Variants in ARHGAP28 observed in about 807,000 individuals in gnomAD.
ARHGAP28 encodes rho GTPase-activating protein 28.
ARHGAP28 carries 56 observed loss-of-function variants against 90.7 expected under a neutral mutation model. That is an observed-to-expected ratio of 0.62 (90% CI 0.50 to 0.77). The LOEUF is 0.77. Among genes scored for constraint, ARHGAP28 ranks in the 30% least tolerant of loss-of-function variants. The probability of loss-of-function intolerance (pLI) is 0.00; values close to 1 mark genes in which losing one functional copy is unlikely to be tolerated. For missense variants in ARHGAP28, 869 were observed against 900.9 expected (o/e 0.96, Z 0.45); for synonymous variants, 308 against 323.3 (o/e 0.95, Z 0.51).
chr18:6,819,064 G>A (rs895875359), intron 1 of ARHGAP28, among the ~76,000 whole-genome samples: 7 of 152,128 alleles, frequency 4.6e-5, no homozygotes, highest in South Asian at 2.1e-4. Flanking sequence ...ACAGTAACTC[G>A]TTATGTATAA....
chr18:6,882,981 A>C (rs1362683110), intron 11 of ARHGAP28, among the ~76,000 whole-genome samples: 2 of 152,128 alleles, frequency 1.3e-5, no homozygotes, highest in African/African-American at 4.8e-5. Flanking sequence ...AGTTTGGAAA[A>C]GTAGAATGGG....
In ARHGAP28 at chr18:6,896,550, A is replaced by G. The variant is rs1352995660; in HGVS notation, c.1954A>G (p.Lys652Glu). The change falls in exon 16 of 18, where the codon AAG (lysine) becomes GAG (glutamate). Residue 652 changes from lysine (K) to glutamate (E), a missense_variant. Physicochemically the swap from Lys to Glu is moderately conservative, Grantham distance 56. Transcript: ENST00000383472. ...ACGGGTCCATGCTCCACTTCTCTCC[A>G]AGGTGTCCATGGCCATTCAACTCAA... ...VIRVHAPLLS[K>E]VSMAIQLNNQ... 1 of 1,614,158 alleles carries G rather than the reference A, an allele frequency of 6.2e-7. No individual in the cohort carries two copies. The highest frequency in any genetic ancestry group is 2.2e-5 in the East Asian group (1 of 44,874).
chr18:6,764,182 G>T (rs190933983), intron 1 of ARHGAP28, among the ~76,000 whole-genome samples: 1 of 152,214 alleles, frequency 6.6e-6, no homozygotes, highest in Non-Finnish European at 1.5e-5. Context: ...TTAGAAAAAA[G>T]AACATGAATT....
intron 16 of ARHGAP28, among the ~76,000 whole-genome samples, chr18:6,901,949 A>G (rs995905354): frequency 1.3e-5 from 2 of 152,170 alleles, no homozygotes; most frequent in Non-Finnish European, 2.9e-5. Flanking sequence ...CAATCTTGGC[A>G]TTCCATGGCT....
rs981647079 is a variant in ARHGAP28 at position 6,894,165 on chromosome 18, C to A, written c.1849-670C>A. Reference sequence around the variant, plus strand: ...TACAGGCATGAGCCACCATGCCCAGCCACTATATTGTGTTTTTATTTTTTA... The same window carrying A: ...TACAGGCATGAGCCACCATGCCCAGACACTATATTGTGTTTTTATTTTTTA... On this transcript the variant is annotated intron_variant, in intron 14 of 17. Transcript: ENST00000383472. 3.9e-5 allele frequency among the ~76,000 whole-genome samples: 6 copies of A among 152,218 alleles called. No individual in the cohort carries two copies. The South Asian group carries it at 8.3e-4, about 21-fold the overall frequency.
chr18:6,851,237 A>G, intron 4 of ARHGAP28, 111 bp downstream of exon 4: 1 of 884,114 alleles, frequency 1.1e-6, no homozygotes, highest in Non-Finnish European at 1.8e-6. Context: ...CTGGACAACC[A>G]CAGATTTCAA....
At chr18:6,767,058 G>A (rs7233825) in intron 1 of ARHGAP28, among the ~76,000 whole-genome samples, 18,762 of 151,884 alleles carry the variant, frequency 0.12, 1,311 homozygotes, top group Non-Finnish European at 0.15. Context: ...TCCGGCCCTC[G>A]TTTATATTAC....
intron 3 of ARHGAP28, among the ~76,000 whole-genome samples, chr18:6,841,303 T>G (rs2056825729): frequency 1.3e-5 from 2 of 149,484 alleles, no homozygotes; most frequent in African/African-American, 5.0e-5. Flanking sequence ...ATTCTTTCTT[T>G]GGCATCATTT....
At chr18:6,794,409 C>A (rs1367986757) in intron 1 of ARHGAP28, among the ~76,000 whole-genome samples, 1 of 152,182 alleles carries the variant, frequency 6.6e-6, no homozygotes, top group African/African-American at 2.4e-5. Context: ...GGAGACAGTC[C>A]TGTGAATTGC....
At chr18:6,747,243 T>C (rs1410667020) in intron 1 of ARHGAP28, among the ~76,000 whole-genome samples, 1 of 152,074 alleles carries the variant, frequency 6.6e-6, no homozygotes, top group Non-Finnish European at 1.5e-5. Flanking sequence ...GGAAACAGGG[T>C]TTGCTTCATG....
chr18:6,768,125 T>G (rs1421575682), intron 1 of ARHGAP28, among the ~76,000 whole-genome samples: 2 of 152,342 alleles, frequency 1.3e-5, no homozygotes, highest in Admixed American at 1.3e-4. Context: ...TTTCAGATAT[T>G]TTGTTCATTT....
chr18:6,899,222 G>T (rs2057325573), intron 16 of ARHGAP28, among the ~76,000 whole-genome samples: 1 of 152,058 alleles, frequency 6.6e-6, no homozygotes, highest in Non-Finnish European at 1.5e-5. Context: ...GGAGGGAGAA[G>T]CCCCATTCCT....
intron 14 of ARHGAP28, among the ~76,000 whole-genome samples, chr18:6,891,001 C>T (rs2033944343): frequency 6.6e-6 from 1 of 152,168 alleles, no homozygotes; most frequent in Non-Finnish European, 1.5e-5. Flanking sequence ...TTTGTTTTAA[C>T]ACAGTTATTT....
intron 3 of ARHGAP28, among the ~76,000 whole-genome samples, chr18:6,839,635 G>A (rs943014578): frequency 1.3e-5 from 2 of 152,178 alleles, no homozygotes; most frequent in African/African-American, 4.8e-5. Context: ...AAGTTTCTAA[G>A]TCAGCCTCCC....
At chr18:6,898,336 G>A in intron 16 of ARHGAP28, 1 of 588,610 alleles carries the variant, frequency 1.7e-6, no homozygotes, top group Non-Finnish European at 2.9e-6. Flanking sequence ...TGTTCACTTT[G>A]TGAAAATTCA....
At chr18:6,788,830 A>T (rs2056385667) in intron 1 of ARHGAP28, 1 of 152,150 alleles carries the variant, frequency 6.6e-6, no homozygotes, top group Non-Finnish European at 1.5e-5. Context: ...TGATACAAAG[A>T]TGACCAAGAT....
At chr18:6,739,543 T>C (rs998119267) in intron 1 of ARHGAP28, among the ~76,000 whole-genome samples, 2 of 150,996 alleles carry the variant, frequency 1.3e-5, no homozygotes, top group South Asian at 2.1e-4. Context: ...AAACATATAT[T>C]CTTACCCTTC....
chr18:6,909,153 ATTT>A (rs1451345177), intron 17 of ARHGAP28, 129 bp downstream of exon 17: 16 of 598,088 alleles, frequency 2.7e-5, no homozygotes, highest in Middle Eastern at 4.5e-4. Flanking sequence ...GGTTTCTGAT[ATTT>A]TTATCTCATG....
At chr18:6,784,695 G>C (rs776535985) in intron 1 of ARHGAP28, among the ~76,000 whole-genome samples, 1 of 152,186 alleles carries the variant, frequency 6.6e-6, no homozygotes, top group Non-Finnish European at 1.5e-5. Flanking sequence ...ACATAACAAA[G>C]ATGGGAACAA....
Sources: allele counts gnomAD v4.1 joint callset (sites outside exome capture counted in the v4.1 genomes callset), GRCh38; gene constraint gnomAD v4.1.1; transcripts MANE v1.5; gene names NCBI Gene and HGNC (gene_info 2026-07-23, HGNC 2026-07-21).